NXPE1: variants seen among roughly 807,000 people sequenced by gnomAD.
NXPE1 encodes the protein NXPE family member 1.
NXPE1 carries 31 observed loss-of-function variants against 33.3 expected under a neutral mutation model. The observed-to-expected ratio is 0.93, with a 90% CI of 0.70 to 1.26. The LOEUF is 1.26. Ranked by LOEUF, NXPE1 falls within the 50% of genes most tolerant of loss-of-function variation. The probability of loss-of-function intolerance (pLI) is 0.00; values close to 1 mark genes in which losing one functional copy is unlikely to be tolerated. For missense variants in NXPE1, 661 were observed against 655.6 expected (o/e 1.01, Z -0.09); for synonymous variants, 229 against 231.4 (o/e 0.99, Z 0.09).
exon 9 of NXPE1, chr11:114,522,041 C>G (rs1209006208): frequency 6.2e-7 from 1 of 1,613,672 alleles, no homozygotes; most frequent in East Asian, 2.2e-5. Context: ...AGTGTCAGTG[C>G]CATATGCAAT....
At chr11:114,532,517 C>T (rs1318778603) in intron 5 of NXPE1, among the ~76,000 whole-genome samples, 3 of 152,068 alleles carry the variant, frequency 2.0e-5, no homozygotes, top group Non-Finnish European at 4.4e-5. Context: ...TTTCCCACCT[C>T]CACAAGTCAC....
intron 6 of NXPE1, chr11:114,528,925 C>T: frequency 2.0e-6 from 1 of 507,338 alleles, no homozygotes; most frequent in South Asian, 3.3e-5. Context: ...TGAGATGTAC[C>T]ATCAGAGATA....
chr11:114,525,528 A>C (rs192523835), intron 7 of NXPE1, among the ~76,000 whole-genome samples: 1 of 152,170 alleles, frequency 6.6e-6, no homozygotes, highest in African/African-American at 2.4e-5. Flanking sequence ...TCCCAAAGCA[A>C]GGTTGGGAAA....
downstream of NXPE1, among the ~76,000 whole-genome samples, chr11:114,520,376 C>T (rs1947185830): frequency 6.6e-6 from 1 of 151,906 alleles, no homozygotes. Context: ...TATTTCTTTC[C>T]TTCAATATTG....
At chr11:114,544,088 C>G (rs1329558957) in intron 5 of NXPE1, among the ~76,000 whole-genome samples, 3 of 152,086 alleles carry the variant, frequency 2.0e-5, no homozygotes, top group African/African-American at 7.2e-5. Flanking sequence ...TTTAAAAAAT[C>G]TAAATAAATG....
intron 1 of NXPE1, among the ~76,000 whole-genome samples, chr11:114,559,461 A>G (rs910977216): frequency 4.6e-5 from 7 of 152,160 alleles, no homozygotes; most frequent in Non-Finnish European, 8.8e-5. Context: ...CTCCAACTAG[A>G]TGTTAGGTTG....
intron 5 of NXPE1, among the ~76,000 whole-genome samples, chr11:114,538,559 C>T (rs1591282876): frequency 2.0e-5 from 3 of 152,112 alleles, no homozygotes; most frequent in Admixed American, 2.0e-4. Context: ...CCAGAATCTA[C>T]AATGAACTCA....
chr11:114,554,001 C>A, intron 1 of NXPE1: 2 of 985,422 alleles, frequency 2.0e-6, no homozygotes. Flanking sequence ...TGTCCAATTG[C>A]AATGTTTTTT....
chr11:114,531,859 A>G (rs911249709), intron 5 of NXPE1, among the ~76,000 whole-genome samples: 3 of 152,210 alleles, frequency 2.0e-5, no homozygotes, highest in African/African-American at 7.2e-5. Flanking sequence ...ACGGTGCTTT[A>G]TAAGCACTCA....
rs952040478 is a variant in NXPE1, at chr11:114,538,300, A to G, written c.100-7392T>C. On this transcript the variant is annotated intron_variant, in intron 5 of 8. Transcript: ENST00000534921. The stretch of plus-strand genomic sequence containing the variant: ...AATTCAAGATGGATTAAAGACTTAC[A>G]TGTTTGACCTAAAACCATAAAAACC... Among the ~76,000 whole-genome samples, 55 of 152,364 alleles carry G rather than the reference A, an allele frequency of 3.6e-4. No individual in the cohort carries two copies. In the Middle Eastern group the frequency reaches 0.01, roughly 28 times the overall value.
At chr11:114,536,253 T>A (rs1053220666) in intron 5 of NXPE1, among the ~76,000 whole-genome samples, 9 of 152,244 alleles carry the variant, frequency 5.9e-5, no homozygotes, top group African/African-American at 1.9e-4. Flanking sequence ...AGACACAACA[T>A]ACCAGAATCT....
exon 8 of NXPE1, chr11:114,522,974 A>G: frequency 1.2e-6 from 2 of 1,613,718 alleles, no homozygotes; most frequent in Non-Finnish European, 1.7e-6. Flanking sequence ...ATTTATCTTA[A>G]TTGTGTCTAA....
intron 7 of NXPE1, chr11:114,526,705 A>T (rs902826710): frequency 1.3e-5 from 2 of 152,232 alleles, no homozygotes; most frequent in Admixed American, 1.3e-4. Flanking sequence ...CATGACGGGA[A>T]TTATCAGGTA....
intron 1 of NXPE1, among the ~76,000 whole-genome samples, chr11:114,558,697 T>A (rs879644851): frequency 6.6e-6 from 1 of 152,212 alleles, no homozygotes; most frequent in Non-Finnish European, 1.5e-5. Flanking sequence ...CAATATAGAT[T>A]GGATCTTTAT....
chr11:114,530,203 T>C, exon 6 of NXPE1: 8 of 1,610,574 alleles, frequency 5.0e-6, no homozygotes, highest in Non-Finnish European at 6.8e-6. Flanking sequence ...TCCTTGTCTG[T>C]AAGATAAGAT....
chr11:114,524,568 A>G (rs1947311558), intron 7 of NXPE1, among the ~76,000 whole-genome samples: 1 of 152,150 alleles, frequency 6.6e-6, no homozygotes, highest in African/African-American at 2.4e-5. Flanking sequence ...TTACAGTGTG[A>G]TATTGATGGG....
intron 3 of NXPE1, 93 bp downstream of exon 3, chr11:114,551,881 T>G (rs1044626795): frequency 2.0e-5 from 3 of 152,174 alleles, no homozygotes; most frequent in African/African-American, 7.2e-5. Context: ...ATGCCCATGT[T>G]AGTACTGTCA....
intron 5 of NXPE1, among the ~76,000 whole-genome samples, chr11:114,538,649 C>T (rs1460747367): frequency 1.3e-5 from 2 of 152,116 alleles, no homozygotes; most frequent in African/African-American, 4.8e-5. Context: ...CAATAGAAGA[C>T]ATTTATTTAT....
rs753259808 is a variant in NXPE1, at chr11:114,522,517, A to G, written c.1109-14T>C. The G allele has an allele frequency of 1.6e-5, 25 of 1,557,144 alleles. No homozygotes were observed. Among genetic ancestry groups the G allele is most frequent in the Non-Finnish European group, 2.2e-5 (25 of 1,149,212 alleles). ...AAAACTTCAGTGCTGATAAAAAAAC[A>G]AATAGATGTTTTAAATAGAAGATAA... On this transcript the variant is annotated splice_polypyrimidine_tract_variant and intron_variant, in intron 8 of 8. Transcript: ENST00000534921.
Sources: allele counts gnomAD v4.1 joint callset (sites outside exome capture counted in the v4.1 genomes callset), GRCh38; gene constraint gnomAD v4.1.1; transcripts MANE v1.5; gene names NCBI Gene and HGNC (gene_info 2026-07-23, HGNC 2026-07-21).